Variants in AUTS2 observed in about 807,000 individuals in gnomAD.
AUTS2 encodes the protein activator of transcription and developmental regulator AUTS2, also known as autism susceptibility gene 2 protein.
AUTS2 carries 17 observed loss-of-function variants against 112.4 expected under a neutral mutation model. The observed-to-expected ratio is 0.15, with a 90% CI of 0.10 to 0.23. AUTS2 has a LOEUF of 0.23. Among genes scored for constraint, AUTS2 ranks in the 10% least tolerant of loss-of-function variants. The pLI, the probability that AUTS2 is intolerant of heterozygous loss-of-function variation, is 1.00. For missense variants in AUTS2, 1,510 were observed against 1,701.6 expected (o/e 0.89, Z 1.98); for synonymous variants, 751 against 702.7 (o/e 1.07, Z -1.09).
At chr7:70,083,373 A>C (rs1332767114) in intron 2 of AUTS2, among the ~76,000 whole-genome samples, 1 of 152,160 alleles carries the variant, frequency 6.6e-6, no homozygotes, top group African/African-American at 2.4e-5. Flanking sequence ...AGTTGCCTCT[A>C]TCTACTTTAG....
chr7:70,747,997 T>TTTTTC (rs1303898909), intron 6 of AUTS2, among the ~76,000 whole-genome samples: 1 of 146,888 alleles, frequency 6.8e-6, no homozygotes, highest in Non-Finnish European at 1.5e-5. Flanking sequence ...AATTTTTTTT[T>TTTTTC]TTTTTTTTTT....
chr7:70,702,157 G>A (rs1424134837), intron 6 of AUTS2, among the ~76,000 whole-genome samples: 1 of 152,182 alleles, frequency 6.6e-6, no homozygotes, highest in East Asian at 1.9e-4. Context: ...TAAAACTCTT[G>A]GATTGCTCCA....
intron 2 of AUTS2, among the ~76,000 whole-genome samples, chr7:70,109,936 T>C (rs1037610117): frequency 1.3e-5 from 2 of 152,224 alleles, no homozygotes; most frequent in Non-Finnish European, 2.9e-5. Context: ...TAGATAGATA[T>C]GTGAGTTATA....
rs1798702512 is a variant in AUTS2, at chr7:69,990,505, T to A, written c.522+91007T>A. ...CTGTTCTTCAAACCAAAATGACTACTAAGAGGTGTGCGTGTGTGTTTGTGT... is the reference window on the plus strand; with the variant it reads ...CTGTTCTTCAAACCAAAATGACTACAAAGAGGTGTGCGTGTGTGTTTGTGT... On this transcript the variant is annotated intron_variant, in intron 2 of 18. Transcript: ENST00000342771. Among the ~76,000 whole-genome samples, 3 of 152,104 alleles carry A rather than the reference T, an allele frequency of 2.0e-5. No homozygotes were observed. In the South Asian group the frequency reaches 6.2e-4, roughly 32 times the overall value.
chr7:70,115,053 A>G (rs1446087754), intron 2 of AUTS2, among the ~76,000 whole-genome samples: 1 of 152,142 alleles, frequency 6.6e-6, no homozygotes, highest in Non-Finnish European at 1.5e-5. Flanking sequence ...TTTTGCTGGC[A>G]GGGCACTGGG....
intron 1 of AUTS2, among the ~76,000 whole-genome samples, chr7:69,672,389 A>G (rs1164451864): frequency 2.0e-5 from 3 of 152,190 alleles, no homozygotes; most frequent in African/African-American, 2.4e-5. Context: ...AACTTTGTCA[A>G]TGGAGAAGAT....
chr7:70,030,937 C>T (rs1311206138), intron 2 of AUTS2, among the ~76,000 whole-genome samples: 2 of 152,060 alleles, frequency 1.3e-5, no homozygotes, highest in Non-Finnish European at 2.9e-5. Context: ...GACCATGAGA[C>T]AAACGGCTGT....
chr7:70,718,167 T>G (rs1303123165), intron 6 of AUTS2, among the ~76,000 whole-genome samples: 10 of 152,156 alleles, frequency 6.6e-5, no homozygotes, highest in Admixed American at 6.5e-4. Flanking sequence ...AAGTCACCTG[T>G]GGGGGAAGAG....
chr7:70,679,578 C>A (rs1585493883), intron 5 of AUTS2, among the ~76,000 whole-genome samples: 1 of 148,756 alleles, frequency 6.7e-6, no homozygotes, highest in Non-Finnish European at 1.5e-5. Flanking sequence ...GCAATAAGTT[C>A]TTTTCAAGCC....
intron 4 of AUTS2, among the ~76,000 whole-genome samples, chr7:70,312,928 C>T (rs1219207466): frequency 6.6e-6 from 1 of 152,174 alleles, no homozygotes; most frequent in Admixed American, 6.5e-5. Context: ...CACACATTCT[C>T]ATGTATGAAA....
intron 6 of AUTS2, among the ~76,000 whole-genome samples, chr7:70,721,211 A>G (rs1786643013): frequency 6.6e-6 from 1 of 151,720 alleles, no homozygotes; most frequent in East Asian, 1.9e-4. Flanking sequence ...TTACTGCTGT[A>G]TAGAGGTTCA....
intron 5 of AUTS2, among the ~76,000 whole-genome samples, chr7:70,583,326 G>C (rs1342092651): frequency 6.6e-6 from 1 of 152,184 alleles, no homozygotes; most frequent in Non-Finnish European, 1.5e-5. Flanking sequence ...AGCCTAACAA[G>C]CTCAAGGTCT....
At chr7:69,836,198 A>C (rs1188437716) in intron 1 of AUTS2, among the ~76,000 whole-genome samples, 1 of 152,186 alleles carries the variant, frequency 6.6e-6, no homozygotes, top group East Asian at 1.9e-4. Context: ...TCTTCAGCTT[A>C]GTATAAACAG....
intron 4 of AUTS2, among the ~76,000 whole-genome samples, chr7:70,431,286 T>C (rs557138889): frequency 5.4e-4 from 83 of 152,376 alleles, no homozygotes; most frequent in Non-Finnish European, 9.4e-4. Context: ...ACGAGTGGGA[T>C]TATATCCTTA....
chr7:69,698,828 T>A (rs910438509), intron 1 of AUTS2, among the ~76,000 whole-genome samples: 3 of 152,156 alleles, frequency 2.0e-5, no homozygotes, highest in Non-Finnish European at 4.4e-5. Context: ...GCTGAGTTCT[T>A]GACTATCTGC....
At chr7:70,069,391 G>A (rs1464040402) in intron 2 of AUTS2, among the ~76,000 whole-genome samples, 1 of 152,176 alleles carries the variant, frequency 6.6e-6, no homozygotes, top group Non-Finnish European at 1.5e-5. Flanking sequence ...TTTTTTAGGA[G>A]TACAACTTCA....
intron 1 of AUTS2, among the ~76,000 whole-genome samples, chr7:69,685,296 T>C (rs866314323): frequency 4.6e-5 from 7 of 152,348 alleles, no homozygotes; most frequent in Admixed American, 6.5e-5. Flanking sequence ...TAAAGCCTGC[T>C]TTTCCTCCAA....
intron 2 of AUTS2, among the ~76,000 whole-genome samples, chr7:69,907,561 A>T (rs752029901): frequency 6.6e-6 from 1 of 152,212 alleles, no homozygotes; most frequent in Non-Finnish European, 1.5e-5. Context: ...AAAGCTATGC[A>T]ATTTGTTATT....
intron 5 of AUTS2, among the ~76,000 whole-genome samples, chr7:70,637,389 C>CA (rs1369234503): frequency 2.0e-5 from 3 of 152,192 alleles, no homozygotes; most frequent in Non-Finnish European, 1.5e-5. Flanking sequence ...CATCTCAGAA[C>CA]AGATGCTGCA....
Sources: allele counts gnomAD v4.1 joint callset (sites outside exome capture counted in the v4.1 genomes callset), GRCh38; gene constraint gnomAD v4.1.1; transcripts MANE v1.5; gene names NCBI Gene and HGNC (gene_info 2026-07-23, HGNC 2026-07-21).